The following LPAR1 variants were observed in gnomAD, a reference collection of about 807,000 sequenced individuals.
LPAR1 encodes the protein LPA receptor 1.
Under a neutral mutation model 23.8 loss-of-function variants are expected in LPAR1, and 5 were observed. The ratio of observed to expected loss-of-function variants is 0.21; its 90% CI spans 0.11 to 0.44. LPAR1 has a LOEUF of 0.44. LPAR1 is among the 20% of genes least tolerant of loss of function. LPAR1 has a pLI of 0.99. For missense variants in LPAR1, 311 were observed against 482.8 expected (o/e 0.64, Z 3.33); for synonymous variants, 160 against 164.7 (o/e 0.97, Z 0.22).
intron 2 of LPAR1, among the ~76,000 whole-genome samples, chr9:110,991,392 C>T (rs1168652049): frequency 6.6e-6 from 1 of 152,126 alleles, no homozygotes; most frequent in African/African-American, 2.4e-5. Context: ...ATAAATGGCC[C>T]TAGTCCTTGC....
intron 1 of LPAR1, among the ~76,000 whole-genome samples, chr9:111,037,414 T>C (rs2097914556): frequency 6.6e-6 from 1 of 152,124 alleles, no homozygotes; most frequent in Non-Finnish European, 1.5e-5. Context: ...CTGAATGCCT[T>C]CACTCTTAAC....
rs1010601610 is a variant in LPAR1 at position 110,926,021 on chromosome 9, C to T, written c.793+15400G>A. Among the ~76,000 whole-genome samples, 12 of 152,250 alleles carry T rather than the reference C, an allele frequency of 7.9e-5. No individual in the cohort carries two copies. In the East Asian group the frequency reaches 1.5e-3, roughly 20 times the overall value. ...CTGCAAGCTCTGCCTCCCGGGTTCG[C>T]GCCATTCTCCTGCCTCAGTCTCCTG... On this transcript the variant is annotated intron_variant, in intron 5 of 5. Coordinates refer to ENST00000683809, the MANE Select transcript of LPAR1 (RefSeq NM_001351411.2).
chr9:111,019,374 T>C (rs1355161097), intron 2 of LPAR1, among the ~76,000 whole-genome samples: 1 of 152,152 alleles, frequency 6.6e-6, no homozygotes, highest in African/African-American at 2.4e-5. Context: ...TTTAAATAAG[T>C]TGAACAGTTT....
intron 2 of LPAR1, among the ~76,000 whole-genome samples, chr9:111,025,939 T>C (rs926241150): frequency 4.0e-5 from 6 of 151,840 alleles, no homozygotes; most frequent in African/African-American, 1.4e-4. Flanking sequence ...AGCCTTGTAG[T>C]ATAGTTTGAA....
chr9:110,950,554 C>T (rs1353157781), intron 4 of LPAR1, among the ~76,000 whole-genome samples: 2 of 150,970 alleles, frequency 1.3e-5, no homozygotes, highest in Non-Finnish European at 2.9e-5. Context: ...ATGCAAGACA[C>T]CTATAAACAA....
chr9:110,998,757 A>C (rs576364044), intron 2 of LPAR1, among the ~76,000 whole-genome samples: 1 of 152,230 alleles, frequency 6.6e-6, no homozygotes, highest in Non-Finnish European at 1.5e-5. Flanking sequence ...TTCTTCTTAA[A>C]GAAAAGAACT....
chr9:111,015,004 T>C (rs1398341028), intron 2 of LPAR1, among the ~76,000 whole-genome samples: 1 of 152,040 alleles, frequency 6.6e-6, no homozygotes. Flanking sequence ...TAATCCAATA[T>C]GACTAGGGTC....
intron 5 of LPAR1, among the ~76,000 whole-genome samples, chr9:110,917,059 C>T (rs986675995): frequency 1.3e-5 from 2 of 151,672 alleles, no homozygotes; most frequent in East Asian, 1.9e-4. Context: ...TGTTCTTGGC[C>T]GGGTACAGCG....
intron 1 of LPAR1, 182 bp downstream of exon 1, chr9:111,037,985 C>G (rs2097925975): frequency 6.6e-6 from 1 of 152,198 alleles, no homozygotes; most frequent in Non-Finnish European, 1.5e-5. Context: ...CCACCCGCGC[C>G]GCGGCCCACA....
chr9:111,035,126 C>T (rs970285152), intron 2 of LPAR1, among the ~76,000 whole-genome samples: 1 of 152,176 alleles, frequency 6.6e-6, no homozygotes, highest in Admixed American at 6.5e-5. Flanking sequence ...TTTTCACCAT[C>T]CTTGCATCTA....
At chr9:111,011,248 T>C (rs535291798) in intron 2 of LPAR1, among the ~76,000 whole-genome samples, 2 of 152,176 alleles carry the variant, frequency 1.3e-5, no homozygotes, top group Non-Finnish European at 2.9e-5. Flanking sequence ...ATTTTAAGTA[T>C]GTTGTTCATA....
At chr9:110,965,517 A>T (rs1198633695) in intron 4 of LPAR1, among the ~76,000 whole-genome samples, 2 of 152,252 alleles carry the variant, frequency 1.3e-5, no homozygotes, top group Non-Finnish European at 2.9e-5. Context: ...AAACATATGA[A>T]AAAAAGCTCA....
intron 5 of LPAR1, among the ~76,000 whole-genome samples, chr9:110,902,741 C>CA (rs944256052): frequency 6.6e-6 from 1 of 151,906 alleles, no homozygotes; most frequent in Non-Finnish European, 1.5e-5. Flanking sequence ...GATCCTGCCA[C>CA]AAAAAAAGGC....
chr9:111,034,824 A>G (rs2097862000), intron 2 of LPAR1, among the ~76,000 whole-genome samples: 1 of 152,162 alleles, frequency 6.6e-6, no homozygotes, highest in Admixed American at 6.5e-5. Flanking sequence ...AAATAACATC[A>G]GAGGTCCCCC....
chr9:111,003,324 G>C (rs138410668), intron 2 of LPAR1, among the ~76,000 whole-genome samples: 5 of 152,204 alleles, frequency 3.3e-5, no homozygotes, highest in African/African-American at 4.8e-5. Flanking sequence ...AGGCAAGCCA[G>C]AACACTCCAC....
At chr9:110,937,254 TCA>T (rs1272689896) in intron 5 of LPAR1, among the ~76,000 whole-genome samples, 1 of 152,198 alleles carries the variant, frequency 6.6e-6, no homozygotes, top group Non-Finnish European at 1.5e-5. Context: ...ACAAATGAGA[TCA>T]CAGTGTTTCA....
intron 5 of LPAR1, among the ~76,000 whole-genome samples, chr9:110,926,123 T>C: frequency 6.6e-6 from 1 of 152,186 alleles, no homozygotes; most frequent in Admixed American, 6.5e-5. Context: ...GGTTTCACCA[T>C]GTTAGCCAGG....
At chr9:110,963,083 T>G (rs1442169740) in intron 4 of LPAR1, among the ~76,000 whole-genome samples, 1 of 152,140 alleles carries the variant, frequency 6.6e-6, no homozygotes, top group Non-Finnish European at 1.5e-5. Context: ...CAGACCCACT[T>G]TGAAAGATAA....
At chr9:110,888,437 T>C (rs2083022012) in intron 5 of LPAR1, among the ~76,000 whole-genome samples, 1 of 152,154 alleles carries the variant, frequency 6.6e-6, no homozygotes, top group Non-Finnish European at 1.5e-5. Context: ...CAATTTACAT[T>C]AATTGAATGT....
Sources: gnomAD v4.1 joint callset for allele counts (sites outside exome capture counted in the v4.1 genomes callset) on GRCh38, gnomAD v4.1.1 for gene constraint, MANE v1.5 for transcripts, NCBI Gene and HGNC (gene_info 2026-07-23, HGNC 2026-07-21) for gene names.